The following ARHGEF18 variants were observed in gnomAD, a reference collection of about 807,000 sequenced individuals.
ARHGEF18 encodes rho guanine nucleotide exchange factor 18.
A neutral mutation model predicts 155.7 loss-of-function variants in ARHGEF18; 93 were observed. The observed-to-expected ratio is 0.60, with a 90% CI of 0.50 to 0.71. ARHGEF18 has a LOEUF of 0.71. Ranked by LOEUF, ARHGEF18 falls within the 30% of genes least tolerant of loss-of-function variation. ARHGEF18 has a pLI of 0.00. For synonymous variants in ARHGEF18, 742 were observed against 753.1 expected (o/e 0.99, Z 0.24); for missense variants, 1,593 against 1,816.1 (o/e 0.88, Z 2.23).
intron 10 of ARHGEF18, among the ~76,000 whole-genome samples, chr19:7,433,720 A>C (rs1974097971): frequency 6.6e-6 from 1 of 151,834 alleles, no homozygotes; most frequent in Non-Finnish European, 1.5e-5. Flanking sequence ...GCGGCACTGG[A>C]AAAAGTCTGG....
At chr19:7,441,817 G>C (rs1974664238) in intron 12 of ARHGEF18, 52 bp downstream of exon 12, 1 of 1,612,434 alleles carries the variant, frequency 6.2e-7, no homozygotes. Flanking sequence ...TGTCTCTCCT[G>C]GGAAGAGCTG....
intron 10 of ARHGEF18, among the ~76,000 whole-genome samples, chr19:7,385,886 C>CT (rs1568285843): frequency 1.6e-5 from 1 of 62,568 alleles, no homozygotes; most frequent in Non-Finnish European, 2.8e-5. Flanking sequence ...CTCCCTCTCT[C>CT]CCTCCCTCCC....
intron 10 of ARHGEF18, among the ~76,000 whole-genome samples, chr19:7,398,420 G>C (rs914314871): frequency 2.0e-5 from 3 of 152,066 alleles, no homozygotes; most frequent in Non-Finnish European, 4.4e-5. Context: ...AAGAGACCGG[G>C]CACCATGGCT....
At chr19:7,443,907 GA>G (rs71179114) in intron 13 of ARHGEF18, among the ~76,000 whole-genome samples, 30,740 of 142,986 alleles carry the variant, frequency 0.21, 3,305 homozygotes, top group Admixed American at 0.24. Context: ...CCATCTCAAA[GA>G]AAAAAAAAAA....
In ARHGEF18 at chr19:7,396,424, G is replaced by A. The variant is rs567925439; in HGVS notation, c.967+13221G>A. The stretch of plus-strand genomic sequence containing the variant: ...AATGATTAATCCTCCAGCTGTAAGA[G>A]GTGTCAGGAGAGGCTGGGCGCGGTG... On this transcript the variant is annotated intron_variant, in intron 10 of 28. Transcript: ENST00000668164. Among the ~76,000 whole-genome samples, 7 of 152,194 alleles carry A rather than the reference G, an allele frequency of 4.6e-5. No individual in the cohort carries two copies. The South Asian group carries it at 1.5e-3, about 32-fold the overall frequency.
chr19:7,394,665 G>C (rs952612171), intron 10 of ARHGEF18, among the ~76,000 whole-genome samples: 3 of 143,828 alleles, frequency 2.1e-5, no homozygotes, highest in African/African-American at 7.8e-5. Context: ...CCTCCCTCAG[G>C]GTCCCCCTAA....
At chr19:7,361,265 C>T (rs548485941) in intron 1 of ARHGEF18, among the ~76,000 whole-genome samples, 3 of 152,030 alleles carry the variant, frequency 2.0e-5, no homozygotes, top group East Asian at 1.9e-4. Flanking sequence ...GCAAGACCCC[C>T]GTCTCTACTA....
At chr19:7,430,686 T>C (rs866451753) in intron 10 of ARHGEF18, among the ~76,000 whole-genome samples, 124 of 152,162 alleles carry the variant, frequency 8.1e-4, no homozygotes, top group African/African-American at 2.8e-3. Context: ...GCGCCTATAG[T>C]CCCAGCCACT....
intron 2 of ARHGEF18, among the ~76,000 whole-genome samples, chr19:7,366,468 C>T (rs1332049768): frequency 6.6e-6 from 1 of 152,216 alleles, no homozygotes; most frequent in African/African-American, 2.4e-5. Context: ...ATGTGCTTAC[C>T]TGCAGTATCT....
At chr19:7,436,914 G>A (rs11670340) in intron 10 of ARHGEF18, among the ~76,000 whole-genome samples, 61,248 of 151,978 alleles carry the variant, frequency 0.4, 12,985 homozygotes, top group East Asian at 0.6. Flanking sequence ...TTAGTCATGT[G>A]TTATGACGTC....
chr19:7,430,904 A>G (rs1210192315), intron 10 of ARHGEF18, among the ~76,000 whole-genome samples: 1 of 152,176 alleles, frequency 6.6e-6, no homozygotes, highest in African/African-American at 2.4e-5. Context: ...ACTTCATAAC[A>G]AAAATGAACT....
chr19:7,371,946 C>A (rs182093117), intron 2 of ARHGEF18, among the ~76,000 whole-genome samples: 1 of 152,318 alleles, frequency 6.6e-6, no homozygotes, highest in African/African-American at 2.4e-5. Context: ...GCAAACCCTG[C>A]GTAGCTCCTC....
At chr19:7,365,048 G>C (rs1969823788) in intron 2 of ARHGEF18, among the ~76,000 whole-genome samples, 2 of 152,208 alleles carry the variant, frequency 1.3e-5, no homozygotes, top group South Asian at 2.1e-4. Flanking sequence ...AGGAGGATCT[G>C]TTACGGTTAA....
chr19:7,389,497 CCCTTCCTTCCTTCCTT>C (rs60652111), intron 10 of ARHGEF18, among the ~76,000 whole-genome samples: 1 of 138,484 alleles, frequency 7.2e-6, no homozygotes, highest in Admixed American at 7.3e-5. Flanking sequence ...CTTCCTTCCT[CCCTTCCTTCCTTCCTT>C]CCTTTCTTTC....
intron 1 of ARHGEF18, among the ~76,000 whole-genome samples, chr19:7,356,699 C>A (rs1969321330): frequency 6.6e-6 from 1 of 152,160 alleles, no homozygotes; most frequent in Non-Finnish European, 1.5e-5. Context: ...GCACTCATTG[C>A]CTCATGGGTT....
intron 10 of ARHGEF18, among the ~76,000 whole-genome samples, chr19:7,423,923 A>G (rs767834762): frequency 1.2e-4 from 19 of 152,080 alleles, no homozygotes; most frequent in Non-Finnish European, 2.4e-4. Flanking sequence ...TGAACCCAGA[A>G]GTGGATCTCA....
rs555631422 is a variant in ARHGEF18 at position 7,421,198 on chromosome 19, G to A, written c.968-19146G>A. Among the ~76,000 whole-genome samples, 17 of 152,126 alleles carry A rather than the reference G, an allele frequency of 1.1e-4. No individual in the cohort carries two copies. The South Asian group carries it at 2.5e-3, about 22-fold the overall frequency. On this transcript the variant is annotated intron_variant, in intron 10 of 28. Transcript: ENST00000668164. Reference sequence around the variant, plus strand: ...CTGCCCACTTCAGCCTCCAAATGCCGTTCCTCAGGATTATGTCTTTGACTG... The same window carrying A: ...CTGCCCACTTCAGCCTCCAAATGCCATTCCTCAGGATTATGTCTTTGACTG...
intron 10 of ARHGEF18, among the ~76,000 whole-genome samples, chr19:7,417,789 G>A (rs1271471112): frequency 1.3e-5 from 2 of 152,186 alleles, no homozygotes; most frequent in Non-Finnish European, 2.9e-5. Flanking sequence ...GGAGGAGGCC[G>A]GGGTGGGTGG....
At position 7,470,190 on chromosome 19, in the gene ARHGEF18, G is replaced by A. The variant is rs925977641; in HGVS notation, c.3978G>A (p.Lys1326=). ...ADSPSEGFSL[K]AGGTALLPGP... is the part of the protein sequence containing the mutation. ...GCCCCTCCGAGGGCTTCTCTCTCAA[G>A]GCCGGGGGCACAGCCCTCCTGCCCG... The change falls in exon 29 of 29, where the codon AAG becomes AAA. Residue 1326 remains lysine, a synonymous_variant. Coordinates refer to ENST00000668164, the MANE Select transcript of ARHGEF18 (RefSeq NM_001367823.1). This position sits in a 1 kb window ranked among gnomAD's most constrained non-coding sequence, Gnocchi z 5.9. 9 of 1,611,834 alleles carry A rather than the reference G, an allele frequency of 5.6e-6. No homozygotes were observed. Among genetic ancestry groups the A allele is most frequent in the Non-Finnish European group, 6.8e-6 (8 of 1,179,626 alleles).
Sources: gnomAD v4.1 joint callset for allele counts (sites outside exome capture counted in the v4.1 genomes callset) on GRCh38, gnomAD v4.1.1 for gene constraint, Gnocchi (gnomAD v3.1) non-coding constraint, MANE v1.5 for transcripts, NCBI Gene and HGNC (gene_info 2026-07-23, HGNC 2026-07-21) for gene names.